PDE4D: variants seen among roughly 807,000 people sequenced by gnomAD.
PDE4D encodes the protein 3',5'-cyclic-AMP phosphodiesterase 4D.
In PDE4D, 24 loss-of-function variants were observed where a neutral mutation model predicts 87.4. The observed-to-expected ratio is 0.27, with a 90% CI of 0.20 to 0.39. The LOEUF (loss-of-function observed/expected upper bound fraction) is 0.39, where lower values mean the gene tolerates loss of function less well. PDE4D is among the 10% of genes least tolerant of loss of function. The pLI is 1.00. For synonymous variants in PDE4D, 384 were observed against 383.2 expected (o/e 1.00, Z -0.02); for missense variants, 714 against 1,041.0 (o/e 0.69, Z 4.32).
intron 3 of PDE4D, among the ~76,000 whole-genome samples, chr5:59,910,718 T>C (rs1294716738): frequency 6.6e-6 from 1 of 152,206 alleles, no homozygotes; most frequent in Non-Finnish European, 1.5e-5. Context: ...ATGACTCTGG[T>C]ATCACCACCA....
intron 1 of PDE4D, among the ~76,000 whole-genome samples, chr5:60,382,228 T>G (rs1056055377): frequency 2.0e-5 from 3 of 152,128 alleles, no homozygotes; most frequent in Admixed American, 2.0e-4. Context: ...CCAAATAAAC[T>G]GGGGCAGAGA....
At chr5:59,774,559 G>GT (rs1359048735) in intron 1 of PDE4D, among the ~76,000 whole-genome samples, 60 of 88,288 alleles carry the variant, frequency 6.8e-4, no homozygotes, top group African/African-American at 2.2e-3. Flanking sequence ...AGTTATATGG[G>GT]GTTTTTTTCC....
chr5:59,492,013 G>A (rs143757547), intron 1 of PDE4D, among the ~76,000 whole-genome samples: 55 of 152,252 alleles, frequency 3.6e-4, no homozygotes, highest in African/African-American at 1.2e-3. Flanking sequence ...TCCTGGAATT[G>A]CCTTTATCCA....
At chr5:59,145,517 A>G (rs893799816) in intron 5 of PDE4D, among the ~76,000 whole-genome samples, 1 of 152,238 alleles carries the variant, frequency 6.6e-6, no homozygotes, top group African/African-American at 2.4e-5. Context: ...GAGATTCCCA[A>G]TGAATGGATT....
At chr5:59,243,633 T>G (rs1340774838) in intron 1 of PDE4D, among the ~76,000 whole-genome samples, 3 of 151,744 alleles carry the variant, frequency 2.0e-5, no homozygotes, top group African/African-American at 7.3e-5. Flanking sequence ...CTGATTTTTG[T>G]ATTTTTAGTA....
chr5:59,571,378 C>T (rs534059018), intron 1 of PDE4D, among the ~76,000 whole-genome samples: 77 of 152,250 alleles, frequency 5.1e-4, no homozygotes, highest in Middle Eastern at 3.4e-3. Context: ...TCTTGATTGA[C>T]GCTCTGAAGA....
At chr5:59,805,889 C>T (rs1767677267) in intron 1 of PDE4D, among the ~76,000 whole-genome samples, 2 of 152,158 alleles carry the variant, frequency 1.3e-5, no homozygotes, top group African/African-American at 4.8e-5. Context: ...TGCCTGCAAG[C>T]ACTTTTGCCA....
intron 1 of PDE4D, among the ~76,000 whole-genome samples, chr5:60,281,854 G>C (rs919560388): frequency 2.0e-5 from 3 of 151,830 alleles, no homozygotes; most frequent in Non-Finnish European, 4.4e-5. Flanking sequence ...GCCTGGGCAA[G>C]AGCAAAACCC....
At chr5:60,284,403 T>C (rs770465387) in intron 1 of PDE4D, among the ~76,000 whole-genome samples, 14 of 152,152 alleles carry the variant, frequency 9.2e-5, no homozygotes, top group African/African-American at 3.4e-4. Context: ...AGTTGCACTT[T>C]TTAGGAACAC....
rs182017907 is a variant in PDE4D at position 59,535,977 on chromosome 5, G to A, written c.456-320009C>T. On this transcript the variant is annotated intron_variant, in intron 1 of 14. Transcript: ENST00000340635. ...ACATGTGTTGTCTTAATATAGCACA[G>A]TAACATTACATTGTTTGGGATGGGT... Among the ~76,000 whole-genome samples the A allele has an allele frequency of 5.9e-5, 9 of 152,300 alleles. No homozygotes were observed. The East Asian group carries it at 1.5e-3, about 26-fold the overall frequency.
chr5:59,379,003 T>TGA (rs1562064509), intron 1 of PDE4D, among the ~76,000 whole-genome samples: 2 of 145,016 alleles, frequency 1.4e-5, no homozygotes, highest in African/African-American at 5.2e-5. Flanking sequence ...TGTGTGTGTG[T>TGA]GATGTGTCCT....
intron 1 of PDE4D, among the ~76,000 whole-genome samples, chr5:59,244,150 C>A (rs1758269961): frequency 1.3e-5 from 2 of 151,926 alleles, no homozygotes; most frequent in African/African-American, 4.8e-5. Context: ...TATATACAGG[C>A]TGGGCATGTT....
intron 1 of PDE4D, among the ~76,000 whole-genome samples, chr5:59,540,599 A>G (rs559000392): frequency 6.6e-6 from 1 of 152,252 alleles, no homozygotes; most frequent in African/African-American, 2.4e-5. Flanking sequence ...TGGAACAATG[A>G]GGGCCCACAC....
At chr5:59,045,541 A>C in intron 5 of PDE4D, among the ~76,000 whole-genome samples, 1 of 144,838 alleles carries the variant, frequency 6.9e-6, no homozygotes, top group Admixed American at 7.1e-5. Context: ...CAACAAGAGC[A>C]TAAAAACTCT....
chr5:59,861,040 T>A (rs1746192246), intron 1 of PDE4D, among the ~76,000 whole-genome samples: 1 of 150,838 alleles, frequency 6.6e-6, no homozygotes, highest in African/African-American at 2.4e-5. Flanking sequence ...TTTTTTTTTT[T>A]TTGTATTTTT....
chr5:60,143,603 T>TTGTG (rs34236719), intron 2 of PDE4D, among the ~76,000 whole-genome samples: 3,490 of 117,696 alleles, frequency 0.03, 96 homozygotes, highest in East Asian at 0.056. Flanking sequence ...AGCTTGGGAA[T>TTGTG]TGTGTGTGTG....
intron 5 of PDE4D, among the ~76,000 whole-genome samples, chr5:59,080,070 T>C (rs1188111147): frequency 6.6e-6 from 1 of 152,152 alleles, no homozygotes; most frequent in Non-Finnish European, 1.5e-5. Flanking sequence ...ACGTTTCCCA[T>C]GTTCCCAATC....
chr5:59,764,805 A>T (rs901843181), intron 1 of PDE4D, among the ~76,000 whole-genome samples: 2 of 151,834 alleles, frequency 1.3e-5, no homozygotes, highest in Non-Finnish European at 2.9e-5. Context: ...ACAGGCACAC[A>T]TCACCATGCC....
At chr5:59,586,335 C>T in intron 1 of PDE4D, 1 of 1,608,838 alleles carries the variant, frequency 6.2e-7, no homozygotes, top group Non-Finnish European at 8.5e-7. Context: ...TCACCATATC[C>T]AGGAATGCCT....
Sources: gnomAD v4.1 joint callset for allele counts (sites outside exome capture counted in the v4.1 genomes callset) on GRCh38, gnomAD v4.1.1 for gene constraint, MANE v1.5 for transcripts, NCBI Gene and HGNC (gene_info 2026-07-23, HGNC 2026-07-21) for gene names.